MAP3K20: variants seen among roughly 807,000 people sequenced by gnomAD.
MAP3K20 encodes HCCS-4.
A neutral mutation model predicts 85.7 loss-of-function variants in MAP3K20; 40 were observed. The ratio of observed to expected loss-of-function variants is 0.47; its 90% confidence interval spans 0.36 to 0.61. The LOEUF is 0.61. MAP3K20 is among the 20% of genes least tolerant of loss of function. MAP3K20 has a pLI of 0.00. For missense variants in MAP3K20, 817 were observed against 961.7 expected (o/e 0.85, Z 1.99); for synonymous variants, 325 against 327.7 (o/e 0.99, Z 0.09).
At chr2:173,226,418 T>C (rs1272958766) in intron 11 of MAP3K20, 1 of 985,336 alleles carries the variant, frequency 1.0e-6, no homozygotes, top group Non-Finnish European at 1.2e-6. Flanking sequence ...GAGCATAAAT[T>C]TTCTATAATC....
rs1685280912 is a variant in MAP3K20, at chr2:173,261,083, G to C, written c.1497G>C (p.Lys499Asn). The C allele has an allele frequency of 6.2e-7, 1 of 1,613,540 alleles. No homozygotes were observed. Among genetic ancestry groups the C allele is most frequent in the Non-Finnish European group, 8.5e-7 (1 of 1,179,648 alleles). Residue 499 changes from lysine to asparagine, a missense_variant, in exon 18 of 20, where the codon AAG becomes AAC. By Grantham distance (94) the Lys-to-Asn change is moderately conservative. This residue lies in a region of MAP3K20 where 454 missense variants were observed against 476.9 expected (regional missense o/e 0.95). Transcript: ENST00000375213. Reference sequence around the variant, plus strand: ...TTCAGCCACCATTTGTAATGGAGAAGTGGATTGTAGGAATAGCAAAAAGTC... The same window carrying C: ...TTCAGCCACCATTTGTAATGGAGAACTGGATTGTAGGAATAGCAAAAAGTC... The part of the protein sequence containing the change: ...KMTKPPFVME[K>N]WIVGIAKSQT...
intron 10 of MAP3K20, 154 bp downstream of exon 10, chr2:173,209,989 T>C (rs1485824065): frequency 4.5e-6 from 3 of 663,906 alleles, no homozygotes; most frequent in Non-Finnish European, 7.8e-6. Flanking sequence ...TTGGAACTCT[T>C]ATAAGTCCTG....
intron 16 of MAP3K20, among the ~76,000 whole-genome samples, chr2:173,246,237 G>A (rs1306173234): frequency 6.6e-6 from 1 of 152,142 alleles, no homozygotes; most frequent in Non-Finnish European, 1.5e-5. Flanking sequence ...TCTAACTACT[G>A]TGTCACACTG....
intron 2 of MAP3K20, among the ~76,000 whole-genome samples, chr2:173,162,681 C>T (rs1689696399): frequency 1.6e-5 from 2 of 128,560 alleles, no homozygotes. Flanking sequence ...AATGAAACTC[C>T]GTCTCCAAAA....
intron 2 of MAP3K20, among the ~76,000 whole-genome samples, chr2:173,135,670 C>T (rs550224799): frequency 7.9e-5 from 12 of 152,308 alleles, no homozygotes; most frequent in African/African-American, 2.9e-4. Flanking sequence ...CAGCCAGCCT[C>T]TCTGGGACTA....
intron 2 of MAP3K20, among the ~76,000 whole-genome samples, chr2:173,150,780 G>C (rs1460946998): frequency 6.6e-6 from 1 of 152,106 alleles, no homozygotes; most frequent in Non-Finnish European, 1.5e-5. Context: ...TGGTCAGGCT[G>C]GTCTTGAACT....
At chr2:173,258,893 G>A (rs1685223654) in intron 17 of MAP3K20, 78 bp downstream of exon 17, 5 of 900,940 alleles carry the variant, frequency 5.5e-6, no homozygotes, top group Non-Finnish European at 9.0e-6. Context: ...CCCCAGCAGT[G>A]TGCTTTTGTG....
intron 11 of MAP3K20, among the ~76,000 whole-genome samples, chr2:173,228,310 C>T (rs1450990367): frequency 6.6e-6 from 1 of 152,126 alleles, no homozygotes; most frequent in Non-Finnish European, 1.5e-5. Context: ...CCATCCTTCC[C>T]TCCTGTCCCT....
intron 2 of MAP3K20, among the ~76,000 whole-genome samples, chr2:173,124,019 T>A (rs1167103834): frequency 6.6e-6 from 1 of 152,198 alleles, no homozygotes; most frequent in Non-Finnish European, 1.5e-5. Context: ...CTCCCAGACC[T>A]TGTTTCTGTT....
intron 10 of MAP3K20, chr2:173,210,528 C>G (rs1158203532): frequency 1.3e-5 from 2 of 152,066 alleles, no homozygotes; most frequent in African/African-American, 2.4e-5. Context: ...AGGGAGACAT[C>G]AAAAATACTC....
rs561853504 is a variant in MAP3K20 at position 173,080,673 on chromosome 2, G to A, written c.-35+4671G>A. On this transcript the variant is annotated intron_variant, in intron 1 of 19. Transcript: ENST00000375213. ...TAAGTTTCAACATGAATTTTGGTGG[G>A]AGCATTCCTACCATAGCACTCAGCT... Among the ~76,000 whole-genome samples the A allele has an allele frequency of 2.6e-5, 4 of 152,220 alleles. No homozygotes were observed. In the East Asian group the frequency reaches 7.7e-4, roughly 29 times the overall value.
At chr2:173,100,299 A>C (rs1031307227) in intron 2 of MAP3K20, among the ~76,000 whole-genome samples, 1 of 152,202 alleles carries the variant, frequency 6.6e-6, no homozygotes, top group Non-Finnish European at 1.5e-5. Flanking sequence ...TCTTCTTCAC[A>C]GTCACTTTAT....
chr2:173,192,268 T>A (rs1350281082), intron 7 of MAP3K20, among the ~76,000 whole-genome samples: 3 of 152,196 alleles, frequency 2.0e-5, no homozygotes, highest in African/African-American at 7.2e-5. Flanking sequence ...AGACCTGTTT[T>A]GTTTTGTTTT....
chr2:173,253,384 G>T (rs1487695728), intron 16 of MAP3K20, among the ~76,000 whole-genome samples: 1 of 152,200 alleles, frequency 6.6e-6, no homozygotes, highest in African/African-American at 2.4e-5. Flanking sequence ...CTGAGGTTCA[G>T]AAAGGTTACA....
intron 11 of MAP3K20, among the ~76,000 whole-genome samples, chr2:173,228,563 A>C (rs1684445458): frequency 6.6e-6 from 1 of 152,180 alleles, no homozygotes; most frequent in South Asian, 2.1e-4. Flanking sequence ...TGACTCAACA[A>C]AAATTTACCA....
Position 173,239,459 on chromosome 2 carries a change from T to G in MAP3K20, c.1322T>G (p.Val441Gly). The change falls in exon 16 of 20, where the codon GTT becomes GGT. Residue 441 changes from valine to glycine, a missense_variant. Physicochemically the swap from Val to Gly is moderately radical, Grantham distance 109. Transcript: ENST00000375213. ...NEEKIVNLEL[V>G]FGFHLKPGTG... ...GAAAAAATAGTGAACCTGGAACTGG[T>G]TTTTGGTTTTCACTTGAAACCAGGA... 1 of 1,612,740 alleles carries G rather than the reference T, an allele frequency of 6.2e-7. No individual in the cohort carries two copies. The highest frequency in any genetic ancestry group is 8.5e-7 in the Non-Finnish European group (1 of 1,179,496).
chr2:173,113,684 A>G (rs1467153227), intron 2 of MAP3K20, among the ~76,000 whole-genome samples: 4 of 152,072 alleles, frequency 2.6e-5, no homozygotes, highest in African/African-American at 7.2e-5. Context: ...TTTAATTTCC[A>G]TGTATTTGCA....
At chr2:173,203,774 T>C in intron 8 of MAP3K20, 22 bp from the exon 9 acceptor site, 1 of 1,581,448 alleles carries the variant, frequency 6.3e-7, no homozygotes, top group South Asian at 1.1e-5. Flanking sequence ...TATTTTGTTT[T>C]GTTTCCCTCT....
intron 16 of MAP3K20, among the ~76,000 whole-genome samples, chr2:173,243,074 G>GTAGATGCTAGAT (rs1684829112): frequency 1.3e-5 from 2 of 152,080 alleles, no homozygotes; most frequent in South Asian, 4.1e-4. Flanking sequence ...TGGCTCTAAG[G>GTAGATGCTAGAT]TAGATGCTAG....
Sources: allele counts gnomAD v4.1 joint callset (sites outside exome capture counted in the v4.1 genomes callset), GRCh38; gene constraint gnomAD v4.1.1; regional missense constraint gnomAD v4.1.1; transcripts MANE v1.5; gene names NCBI Gene and HGNC (gene_info 2026-07-23, HGNC 2026-07-21).